SLC2A2: variants seen among roughly 807,000 people sequenced by gnomAD.
The protein encoded by SLC2A2 is solute carrier family 2, facilitated glucose transporter member 2.
Under a neutral mutation model 54.5 loss-of-function variants are expected in SLC2A2, and 36 were observed. The ratio of observed to expected loss-of-function variants is 0.66; its 90% CI spans 0.51 to 0.87. The LOEUF (loss-of-function observed/expected upper bound fraction) is 0.87, where lower values mean the gene tolerates loss of function less well. SLC2A2 is among the 40% of genes least tolerant of loss of function. The probability of loss-of-function intolerance (pLI) is 0.00; values close to 1 mark genes in which losing one functional copy is unlikely to be tolerated. For missense variants in SLC2A2, 543 were observed against 624.3 expected, an observed-to-expected ratio of 0.87 and a Z score of 1.39; for synonymous variants, 223 against 219.1, an observed-to-expected ratio of 1.02 and a Z score of -0.16.
intron 5 of SLC2A2, 85 bp from the exon 6 acceptor site, chr3:171,006,190 T>C: frequency 8.0e-7 from 1 of 1,252,196 alleles, no homozygotes; most frequent in Non-Finnish European, 1.1e-6. Flanking sequence ...GTACTTTGGC[T>C]ATTTAATAGT....
Position 171,006,093 on chromosome 3 carries a change from C to G in SLC2A2, c.625G>C (p.Glu209Gln). Reference sequence around the variant, plus strand: ...AGATCATAATTGCCCAAGATAAATTCAAGACCAATAATCTGAAAATGCAAG... The same window carrying G: ...AGATCATAATTGCCCAAGATAAATTGAAGACCAATAATCTGAAAATGCAAG... ...GILISQIIGL[E>Q]FILGNYDLWH... is the part of the protein sequence containing the mutation. Residue 209 changes from glutamate to glutamine, a missense_variant, in exon 6 of 11, where the codon GAA (glutamate) becomes CAA (glutamine). Glu to Gln is a conservative substitution (Grantham distance 29). This residue lies in a region of SLC2A2 where 318 missense variants were observed against 343.8 expected (regional missense o/e 0.93). Coordinates refer to ENST00000314251, the MANE Select transcript of SLC2A2 (RefSeq NM_000340.2). 1 of 1,612,086 alleles carries G rather than the reference C, an allele frequency of 6.2e-7. No individual in the cohort carries two copies. Among genetic ancestry groups the G allele is most frequent in the Non-Finnish European group, 8.5e-7 (1 of 1,178,766 alleles).
At chr3:171,016,318 C>G (rs1443262535) in intron 2 of SLC2A2, among the ~76,000 whole-genome samples, 1 of 152,150 alleles carries the variant, frequency 6.6e-6, no homozygotes, top group African/African-American at 2.4e-5. Context: ...AGCCTGTAAT[C>G]TCAGCTACTT....
At chr3:171,019,198 G>A (rs1480420841) in intron 1 of SLC2A2, among the ~76,000 whole-genome samples, 5 of 144,896 alleles carry the variant, frequency 3.5e-5, no homozygotes, top group South Asian at 2.3e-4. Flanking sequence ...AACTAGAATA[G>A]CTGCTGACGG....
chr3:171,007,268 A>C lies in SLC2A2; in HGVS notation c.497-5T>G, dbSNP rs757579143. ...GAACCAGGCCTGAAATTAGCCCTGC[A>C]TGAAACATAAACATAAATGTTAAAG... On this transcript the variant is annotated splice_polypyrimidine_tract_variant and splice_region_variant and intron_variant, in intron 4 of 10. Coordinates refer to ENST00000314251, the MANE Select transcript of SLC2A2 (RefSeq NM_000340.2). The C allele has an allele frequency of 1.3e-6, 2 of 1,551,894 alleles. No individual in the cohort carries two copies. Among genetic ancestry groups the C allele is most frequent in the Non-Finnish European group, 1.8e-6 (2 of 1,123,986 alleles).
chr3:171,025,320 AATTT>A (rs1716638966), intron 1 of SLC2A2, among the ~76,000 whole-genome samples: 1 of 142,820 alleles, frequency 7.0e-6, no homozygotes, highest in Non-Finnish European at 1.5e-5. Flanking sequence ...ATTATAATAT[AATTT>A]ATCTTTTATA....
rs761756532 is a variant in SLC2A2 at position 171,005,414 on chromosome 3, T to G, written c.834A>C (p.Lys278Asn). 2 of 1,612,798 alleles carry G rather than the reference T, an allele frequency of 1.2e-6. No homozygotes were observed. The highest frequency in any genetic ancestry group is 1.7e-6 in the Non-Finnish European group (2 of 1,179,180). Residue 278 changes from lysine (K) to asparagine (N), a missense_variant, in exon 7 of 11, where the codon AAA (lysine) becomes AAC (asparagine). Lys to Asn is a moderately conservative substitution (Grantham distance 94). Coordinates refer to ENST00000314251, the MANE Select transcript of SLC2A2 (RefSeq NM_000340.2). ...GCTCACTCGATGCTTCTTCTCTTTCTTTTCTCATTTCATTAATATCTTTGG... is the reference window on the plus strand; with the variant it reads ...GCTCACTCGATGCTTCTTCTCTTTCGTTTCTCATTTCATTAATATCTTTGG... ...DVTKDINEMR[K>N]EREEASSEQK...
At position 170,998,434 on chromosome 3, in the gene SLC2A2, C is replaced by A. The variant is rs960952470; in HGVS notation, c.1171-38G>T. On this transcript the variant is annotated intron_variant, in intron 9 of 10. Coordinates refer to ENST00000314251, the MANE Select transcript of SLC2A2 (RefSeq NM_000340.2). ...ACAAAAACAATAGTGGGACTGAGATCATTTGGCTGCTTTTTCCTTTAGCTA... is the reference window on the plus strand; with the variant it reads ...ACAAAAACAATAGTGGGACTGAGATAATTTGGCTGCTTTTTCCTTTAGCTA... 2.6e-6 allele frequency: 4 copies of A among 1,560,358 alleles called. No individual in the cohort carries two copies. The Admixed American group carries it at 6.7e-5, about 26-fold the overall frequency.
chr3:171,021,215 T>G (rs1247396358), intron 1 of SLC2A2, among the ~76,000 whole-genome samples: 1 of 152,104 alleles, frequency 6.6e-6, no homozygotes, highest in Non-Finnish European at 1.5e-5. Context: ...AGGATAGGGA[T>G]TTTCATCCTT....
chr3:170,998,665 TAAG>T (rs1024079357), intron 9 of SLC2A2, among the ~76,000 whole-genome samples: 1 of 152,134 alleles, frequency 6.6e-6, no homozygotes, highest in African/African-American at 2.4e-5. Context: ...CTGCTCATAC[TAAG>T]GTTTCCAGAC....
chr3:171,021,938 C>T (rs940262517), intron 1 of SLC2A2, among the ~76,000 whole-genome samples: 5 of 152,156 alleles, frequency 3.3e-5, no homozygotes, highest in African/African-American at 9.7e-5. Context: ...AAAGTTCTTC[C>T]CTTTTGAGAA....
chr3:171,011,748 G>A (rs1355248261), intron 3 of SLC2A2, among the ~76,000 whole-genome samples: 2 of 152,030 alleles, frequency 1.3e-5, no homozygotes, highest in Admixed American at 1.3e-4. Flanking sequence ...TATCTACACA[G>A]GGACAGAGGG....
intron 1 of SLC2A2, among the ~76,000 whole-genome samples, chr3:171,021,792 A>G (rs1347463259): frequency 6.6e-6 from 1 of 152,194 alleles, no homozygotes; most frequent in African/African-American, 2.4e-5. Context: ...CTGGTTATAA[A>G]TTAAGGGCCA....
intron 1 of SLC2A2, among the ~76,000 whole-genome samples, chr3:171,026,345 T>C (rs1170401664): frequency 6.6e-6 from 1 of 151,582 alleles, no homozygotes; most frequent in African/African-American, 2.4e-5. Context: ...GTTTTCATGA[T>C]TAAATTTAGG....
intron 2 of SLC2A2, among the ~76,000 whole-genome samples, chr3:171,017,334 C>T (rs1455001885): frequency 6.6e-6 from 1 of 152,154 alleles, no homozygotes; most frequent in Non-Finnish European, 1.5e-5. Context: ...CTCTTGACCC[C>T]CAGCACTATG....
intron 10 of SLC2A2, 41 bp downstream of exon 10, chr3:170,998,152 C>G: frequency 6.2e-7 from 1 of 1,613,134 alleles, no homozygotes; most frequent in Non-Finnish European, 8.5e-7. Flanking sequence ...TTTTGACCCT[C>G]TCTTCTGTTC....
rs71176588 is a variant in SLC2A2 at position 171,009,912 on chromosome 3, G to GGTGTGT, written c.496+40_496+45dup. 0.015 allele frequency: 19,815 copies of GGTGTGT among 1,319,224 alleles called. 128 individuals carry two copies. Among genetic ancestry groups the GGTGTGT allele is most frequent in the African/African-American group, 0.06 (2,828 of 46,884 alleles). The allele number at this position is 1,319,224 out of a possible 1,614,324, so 81.7% of individuals were successfully genotyped here. A position where few individuals can be genotyped will look rare whatever the true frequency, so the allele number is the denominator to read the frequency against. ...TTAGAGTTACTTTCAGACAAAGGTA[G>GGTGTGT]GTGTGTGTGTGTGTGTGTGTGTGTG... On this transcript the variant is annotated intron_variant, in intron 4 of 10. Coordinates refer to ENST00000314251, the MANE Select transcript of SLC2A2 (RefSeq NM_000340.2).
chr3:171,013,039 C>G (rs1264809241), intron 3 of SLC2A2, among the ~76,000 whole-genome samples: 1 of 152,052 alleles, frequency 6.6e-6, no homozygotes, highest in Non-Finnish European at 1.5e-5. Context: ...GAGAGGCAAC[C>G]AGGGTTTACA....
chr3:171,000,812 A>G (rs1328041882), intron 8 of SLC2A2, among the ~76,000 whole-genome samples: 1 of 152,130 alleles, frequency 6.6e-6, no homozygotes, highest in Non-Finnish European at 1.5e-5. Context: ...TTCTATTTGC[A>G]TATTTTTATT....
chr3:170,998,144 T>C (rs776238310), intron 10 of SLC2A2, 41 bp from the exon 11 acceptor site: 4 of 1,613,212 alleles, frequency 2.5e-6, no homozygotes, highest in African/African-American at 1.3e-5. Flanking sequence ...TAGCAGTTTT[T>C]TGACCCTCTC....
Sources: gnomAD v4.1 joint callset for allele counts (sites outside exome capture counted in the v4.1 genomes callset) on GRCh38, gnomAD v4.1.1 for gene constraint, gnomAD v4.1.1 regional missense constraint, MANE v1.5 for transcripts, NCBI Gene and HGNC (gene_info 2026-07-23, HGNC 2026-07-21) for gene names.